Variants in PTOV1 observed in about 807,000 individuals in gnomAD.
PTOV1 encodes PTOV1 extended AT-hook containing adaptor protein.
A neutral mutation model predicts 58.0 loss-of-function variants in PTOV1; 20 were observed. The observed-to-expected ratio is 0.34, with a 90% CI of 0.24 to 0.50. PTOV1 has a LOEUF of 0.50. PTOV1 is among the 20% of genes least tolerant of loss of function. PTOV1 has a pLI of 0.98. For synonymous variants in PTOV1, 335 were observed against 234.2 expected, an observed-to-expected ratio of 1.43 and a Z score of -3.93; for missense variants, 593 against 565.4, an observed-to-expected ratio of 1.05 and a Z score of -0.50.
exon 5 of PTOV1, chr19:49,855,023 C>A: frequency 6.2e-7 from 1 of 1,602,134 alleles, no homozygotes; most frequent in East Asian, 2.3e-5. Context: ...TCCACTTCAC[C>A]AACAGAGACT....
rs763544736 is a variant in PTOV1 at position 49,857,899 on chromosome 19, A to C, written c.805-5A>C. ...GAGGGCTCCTCTTTGCCTCTCCCCC[A>C]AAAGCCCAGGCCTGAGCCCAACAGT... On this transcript the variant is annotated splice_region_variant and splice_polypyrimidine_tract_variant and intron_variant, in intron 7 of 11. Transcript: ENST00000391842. 1.4e-5 allele frequency: 23 copies of C among 1,613,262 alleles called. No individual in the cohort carries two copies. The African/African-American group carries it at 2.5e-4, about 18-fold the overall frequency.
At chr19:49,858,822 G>C (rs895925860) in intron 10 of PTOV1, 169 bp downstream of exon 10, 1 of 602,958 alleles carries the variant, frequency 1.7e-6, no homozygotes, top group South Asian at 2.0e-5. Flanking sequence ...CTGTCCCCAC[G>C]GCACTGGATG....
exon 1 of PTOV1, chr19:49,851,238 GCGCGCC>G (rs1022063717): frequency 1.2e-4 from 132 of 1,131,234 alleles, no homozygotes; most frequent in Middle Eastern, 3.8e-4. Flanking sequence ...CCCCGAAGCC[GCGCGCC>G]CGCGCCCGCG....
chr19:49,856,042 C>T (rs2074448511), intron 5 of PTOV1: 1 of 152,208 alleles, frequency 6.6e-6, no homozygotes, highest in Non-Finnish European at 1.5e-5. Context: ...TCTACCCGTC[C>T]CAGCTGCCGT....
chr19:49,855,088 CG>C lies in PTOV1; in HGVS notation c.558+14del. The C allele has an allele frequency of 6.4e-7, 1 of 1,574,398 alleles. No individual in the cohort carries two copies. Among genetic ancestry groups the C allele is most frequent in the Non-Finnish European group, 8.6e-7 (1 of 1,157,590 alleles). On this transcript the variant is annotated intron_variant, in intron 5 of 11. Transcript: ENST00000391842. Reference sequence around the variant, plus strand: ...ATGGGCAACGGCTTCGTGAGTGGGGCGGGCTCCCTTGTAGCACTGTGGTGAC... The same window carrying C: ...ATGGGCAACGGCTTCGTGAGTGGGGCGGCTCCCTTGTAGCACTGTGGTGAC...
At chr19:49,854,727 G>C in exon 3 of PTOV1, 2 of 1,613,526 alleles carry the variant, frequency 1.2e-6, no homozygotes, top group Non-Finnish European at 1.7e-6. Context: ...GAACCAAGGC[G>C]AGAACCTGTG....
upstream of PTOV1, chr19:49,850,851 T>A: frequency 7.8e-6 from 12 of 1,535,210 alleles, no homozygotes; most frequent in Non-Finnish European, 1.0e-5. Context: ...TTTGGCGCGG[T>A]CTCCTGGCTC....
At chr19:49,857,238 G>A (rs2074512281) in intron 6 of PTOV1, 108 bp downstream of exon 6, 15 of 1,452,712 alleles carry the variant, frequency 1.0e-5, no homozygotes, top group Non-Finnish European at 1.2e-5. Context: ...GATGGCTGGA[G>A]CAAGGAGCTG....
At chr19:49,858,639 A>G (rs1205791431) in exon 10 of PTOV1, 3 of 1,599,746 alleles carry the variant, frequency 1.9e-6, no homozygotes, top group Non-Finnish European at 8.5e-7. Flanking sequence ...GTGCCGGATC[A>G]TGGACAATGG....
At chr19:49,850,912 G>A (rs1323219696), upstream of PTOV1, 5 of 1,535,924 alleles carry the variant, frequency 3.3e-6, no homozygotes, top group Admixed American at 7.8e-5. Context: ...ACCCCCGCAA[G>A]GGGCCAGCTT....
At chr19:49,859,780 C>T in intron 10 of PTOV1, 6 of 606,760 alleles carry the variant, frequency 9.9e-6, no homozygotes, top group South Asian at 2.0e-5. Context: ...CCCTTCCCGA[C>T]AGAGCCTGTT....
intron 10 of PTOV1, among the ~76,000 whole-genome samples, chr19:49,859,668 C>T (rs1381680614): frequency 6.6e-6 from 1 of 152,208 alleles, no homozygotes; most frequent in Admixed American, 6.5e-5. Context: ...ATCCCTCGGG[C>T]TCCTGAGTTG....
intron 6 of PTOV1, chr19:49,857,475 G>C (rs2074525936): frequency 1.6e-5 from 10 of 620,790 alleles, no homozygotes; most frequent in East Asian, 2.8e-5. Flanking sequence ...TGCAGGTCCT[G>C]TGCACCAGGT....
chr19:49,852,870 C>G (rs921255999), intron 1 of PTOV1: 2 of 152,240 alleles, frequency 1.3e-5, no homozygotes, highest in African/African-American at 4.8e-5. Context: ...GTACCCTCAT[C>G]TCGAAAGTCA....
Position 49,860,262 on chromosome 19 carries a change from C to A in PTOV1, c.1240-6C>A, listed in dbSNP as rs776221143. On this transcript the variant is annotated splice_region_variant and splice_polypyrimidine_tract_variant and intron_variant, in intron 11 of 11. Coordinates refer to ENST00000391842, the Ensembl canonical transcript of PTOV1. The stretch of plus-strand genomic sequence containing the variant: ...CTCACCACTGGCCTCTGATTTCTCG[C>A]CGTAGATGGGGGGGTAGTGGTTACC... 6.2e-7 allele frequency: 1 copy of A among 1,613,694 alleles called. No individual in the cohort carries two copies.
At chr19:49,851,014 A>T (rs1422934061), upstream of PTOV1, 2 of 1,519,006 alleles carry the variant, frequency 1.3e-6, no homozygotes, top group Non-Finnish European at 1.8e-6. Flanking sequence ...TCTTCCCAGG[A>T]CTCCCCCGCG....
At chr19:49,851,200 C>T (rs1371102687) in exon 1 of PTOV1, 1 of 1,210,372 alleles carries the variant, frequency 8.3e-7, no homozygotes, top group Admixed American at 4.5e-5. Flanking sequence ...GGCGCGTCCC[C>T]CGAGCTTGGT....
intron 6 of PTOV1, chr19:49,857,417 C>T: frequency 1.7e-6 from 1 of 605,250 alleles, no homozygotes; most frequent in Non-Finnish European, 2.9e-6. Flanking sequence ...GAAGGCCCTG[C>T]CTGGTAACCA....
chr19:49,859,629 CCTTG>C (rs1239464092), intron 10 of PTOV1, among the ~76,000 whole-genome samples: 2 of 152,190 alleles, frequency 1.3e-5, no homozygotes, highest in Non-Finnish European at 2.9e-5. Flanking sequence ...GTACCTCAGC[CCTTG>C]CTTGTGCTGG....
Sources: allele counts gnomAD v4.1 joint callset (sites outside exome capture counted in the v4.1 genomes callset), GRCh38; gene constraint gnomAD v4.1.1; transcripts MANE v1.5; gene names NCBI Gene and HGNC (gene_info 2026-07-23, HGNC 2026-07-21).